The following PRKCA variants were observed in gnomAD, a reference collection of about 807,000 sequenced individuals.
PRKCA encodes protein kinase C alpha.
In PRKCA, 27 loss-of-function variants were observed where a neutral mutation model predicts 87.0. That is an observed-to-expected ratio of 0.31 (90% CI 0.23 to 0.43). The LOEUF is 0.43. Ranked by LOEUF, PRKCA falls within the 20% of genes least tolerant of loss-of-function variation. PRKCA has a pLI of 1.00. For synonymous variants in PRKCA, 329 were observed against 311.1 expected (o/e 1.06, Z -0.61); for missense variants, 518 against 852.3 (o/e 0.61, Z 4.88).
chr17:66,393,989 C>T (rs555880838), intron 2 of PRKCA, among the ~76,000 whole-genome samples: 12 of 152,104 alleles, frequency 7.9e-5, no homozygotes, highest in African/African-American at 2.4e-4. Flanking sequence ...GCACGAGAAT[C>T]GCTCGAACCT....
intron 5 of PRKCA, among the ~76,000 whole-genome samples, chr17:66,658,009 G>A (rs533885884): frequency 2.6e-5 from 4 of 152,278 alleles, no homozygotes; most frequent in Admixed American, 1.3e-4. Flanking sequence ...AGAAATACCC[G>A]AGACTGGTAA....
chr17:66,706,504 A>G (rs1219607460), intron 8 of PRKCA, among the ~76,000 whole-genome samples: 1 of 151,712 alleles, frequency 6.6e-6, no homozygotes, highest in Non-Finnish European at 1.5e-5. Context: ...TTAGCCAGGC[A>G]TGATGGCAGG....
intron 2 of PRKCA, among the ~76,000 whole-genome samples, chr17:66,488,953 C>T (rs1916100536): frequency 6.6e-6 from 1 of 152,092 alleles, no homozygotes; most frequent in South Asian, 2.1e-4. Flanking sequence ...ATTACTTTCC[C>T]TACAAAGCTG....
At chr17:66,654,084 G>A (rs754060310) in intron 5 of PRKCA, among the ~76,000 whole-genome samples, 4 of 152,206 alleles carry the variant, frequency 2.6e-5, no homozygotes, top group African/African-American at 9.7e-5. Context: ...TGAGTGGGGC[G>A]TTCAGTGTTC....
In PRKCA at chr17:66,792,228, G is replaced by A. The variant is rs1361649623; in HGVS notation, c.1854+3249G>A. The stretch of plus-strand genomic sequence containing the variant: ...GGTAGCTGTTCTCACGTGCGGTGAT[G>A]CTCCTGGCTCCCATGGAATTAAACC... On this transcript the variant is annotated intron_variant, in intron 16 of 16. Coordinates refer to ENST00000413366, the MANE Select transcript of PRKCA (RefSeq NM_002737.3). The surrounding 1 kb of genome is among the most constrained non-coding windows in gnomAD (Gnocchi z 4.5). 2.0e-5 allele frequency among the ~76,000 whole-genome samples: 3 copies of A among 152,164 alleles called. No homozygotes were observed. The highest frequency in any genetic ancestry group is 4.4e-5 in the Non-Finnish European group (3 of 68,020).
At chr17:66,336,996 G>A (rs1906738219) in intron 2 of PRKCA, among the ~76,000 whole-genome samples, 1 of 152,118 alleles carries the variant, frequency 6.6e-6, no homozygotes, top group Non-Finnish European at 1.5e-5. Context: ...TCACCATGTT[G>A]ACCAGGCTGG....
chr17:66,637,151 A>G (rs1971170007), intron 3 of PRKCA, among the ~76,000 whole-genome samples: 1 of 152,150 alleles, frequency 6.6e-6, no homozygotes, highest in African/African-American at 2.4e-5. Context: ...AGTAAGCCTT[A>G]GGTTTTCCTG....
At chr17:66,585,067 G>A (rs866396290) in intron 3 of PRKCA, among the ~76,000 whole-genome samples, 4 of 62,228 alleles carry the variant, frequency 6.4e-5, no homozygotes, top group African/African-American at 3.1e-4. Context: ...TGCATGGGGA[G>A]GGGGGGGTGG....
chr17:66,791,007 A>G (rs753699444), intron 16 of PRKCA, among the ~76,000 whole-genome samples: 12 of 146,198 alleles, frequency 8.2e-5, no homozygotes, highest in Non-Finnish European at 1.7e-4. Context: ...TTTTTTTTTA[A>G]ATTATTATAC....
At chr17:66,693,472 C>T (rs780224346) in intron 8 of PRKCA, among the ~76,000 whole-genome samples, 4 of 152,176 alleles carry the variant, frequency 2.6e-5, no homozygotes, top group Admixed American at 6.5e-5. Context: ...ATCTATGGGC[C>T]CTGCTGCAAA....
At chr17:66,508,477 A>T (rs1917074815) in intron 3 of PRKCA, among the ~76,000 whole-genome samples, 1 of 152,090 alleles carries the variant, frequency 6.6e-6, no homozygotes, top group South Asian at 2.1e-4. Flanking sequence ...ATGTCATGCC[A>T]CCCACGTACA....
chr17:66,384,663 C>G (rs930837070), intron 2 of PRKCA, among the ~76,000 whole-genome samples: 1 of 151,956 alleles, frequency 6.6e-6, no homozygotes. Flanking sequence ...GAGTCTCGCT[C>G]TGTCGCCCAG....
At chr17:66,516,083 A>G (rs1276168212) in intron 3 of PRKCA, among the ~76,000 whole-genome samples, 1 of 152,224 alleles carries the variant, frequency 6.6e-6, no homozygotes, top group Non-Finnish European at 1.5e-5. Flanking sequence ...GAAGCAAAGC[A>G]TGTGTATTAA....
intron 8 of PRKCA, among the ~76,000 whole-genome samples, chr17:66,706,922 G>C (rs1047895747): frequency 6.6e-6 from 1 of 152,076 alleles, no homozygotes; most frequent in Non-Finnish European, 1.5e-5. Context: ...GGAATAATAG[G>C]GTATTCAAAC....
At chr17:66,788,547 A>G (rs946397701) in intron 15 of PRKCA, among the ~76,000 whole-genome samples, 1 of 152,036 alleles carries the variant, frequency 6.6e-6, no homozygotes, top group South Asian at 2.1e-4. Flanking sequence ...TCTCCAAAAC[A>G]GACAACGTGT....
intron 8 of PRKCA, among the ~76,000 whole-genome samples, chr17:66,705,662 A>C (rs1037376913): frequency 3.9e-5 from 6 of 152,154 alleles, no homozygotes; most frequent in African/African-American, 1.4e-4. Context: ...CAGCTTTGCA[A>C]ATGTCCCCAG....
chr17:66,494,642 T>G (rs888668049), intron 2 of PRKCA, among the ~76,000 whole-genome samples: 2 of 152,214 alleles, frequency 1.3e-5, no homozygotes, highest in East Asian at 1.9e-4. Context: ...TAAAGACTTA[T>G]GACTAACCTA....
At chr17:66,655,272 T>G (rs1814346521) in intron 5 of PRKCA, among the ~76,000 whole-genome samples, 1 of 152,212 alleles carries the variant, frequency 6.6e-6, no homozygotes. Flanking sequence ...ATCAGTGTCT[T>G]ATGTCCACAT....
intron 2 of PRKCA, among the ~76,000 whole-genome samples, chr17:66,336,652 AACATTTGCCTATATAGTAAATTATT>A (rs1325576660): frequency 7.6e-6 from 1 of 131,960 alleles, no homozygotes; most frequent in East Asian, 2.0e-4. Flanking sequence ...TAAATTATTA[AACATTTGCCTATATAGTAAATTATT>A]AAACATTTGC....
Sources: allele counts gnomAD v4.1 joint callset (sites outside exome capture counted in the v4.1 genomes callset), GRCh38; gene constraint gnomAD v4.1.1; non-coding constraint Gnocchi (gnomAD v3.1); transcripts MANE v1.5; gene names NCBI Gene and HGNC (gene_info 2026-07-23, HGNC 2026-07-21).